AKAP6: variants seen among roughly 807,000 people sequenced by gnomAD.
AKAP6 encodes the protein A-kinase anchoring protein 6, also known as A-kinase anchor protein 6.
In AKAP6, 58 loss-of-function variants were observed where a neutral mutation model predicts 188.5. The observed-to-expected ratio is 0.31, with a 90% CI of 0.25 to 0.38. The LOEUF (loss-of-function observed/expected upper bound fraction) is 0.38. Among genes scored for constraint, AKAP6 ranks in the 10% least tolerant of loss-of-function variants. The probability of loss-of-function intolerance (pLI) is 1.00; values close to 1 mark genes in which losing one functional copy is unlikely to be tolerated. For missense variants in AKAP6, 2,710 were observed against 2,740.0 expected (o/e 0.99, Z 0.24); for synonymous variants, 989 against 998.6 (o/e 0.99, Z 0.18).
At chr14:32,611,588 A>G (rs956614823) in intron 7 of AKAP6, among the ~76,000 whole-genome samples, 2 of 152,190 alleles carry the variant, frequency 1.3e-5, no homozygotes, top group Non-Finnish European at 2.9e-5. Flanking sequence ...TAGATGTGCA[A>G]TAGAACTTTA....
At chr14:32,454,244 T>A (rs1891044089) in intron 2 of AKAP6, among the ~76,000 whole-genome samples, 1 of 152,218 alleles carries the variant, frequency 6.6e-6, no homozygotes, top group Non-Finnish European at 1.5e-5. Context: ...ATATATCTGA[T>A]AGAAGCTAGC....
chr14:32,794,928 A>G (rs913201794), intron 12 of AKAP6, among the ~76,000 whole-genome samples: 2 of 152,114 alleles, frequency 1.3e-5, no homozygotes, highest in Non-Finnish European at 2.9e-5. Context: ...ACAATCAAAT[A>G]CACACAATCA....
chr14:32,540,192 A>ATATATATTTT lies in AKAP6; in HGVS notation c.576+4388_576+4389insATATATTTTT, dbSNP rs1406480125. ...TCTATATATATATATATATATATAT[A>ATATATATTTT]TTTTAATTTTTTATTTTTTTTTTTG... On this transcript the variant is annotated intron_variant, in intron 3 of 13. Transcript: ENST00000280979. Among the ~76,000 whole-genome samples the ATATATATTTT allele has an allele frequency of 1.2e-3, 150 of 123,386 alleles. 3 individuals carry two copies. The highest frequency in any genetic ancestry group is 1.9e-3 in the Non-Finnish European group (110 of 59,004). The allele number at this position is 123,386 out of a possible 152,430, so 80.9% of individuals were successfully genotyped here.
chr14:32,504,520 T>C (rs1367488886), intron 2 of AKAP6, among the ~76,000 whole-genome samples: 1 of 152,116 alleles, frequency 6.6e-6, no homozygotes, highest in East Asian at 1.9e-4. Flanking sequence ...GCTCAAGTAA[T>C]CTCCCCACCT....
chr14:32,752,600 C>G (rs566599628), intron 11 of AKAP6, among the ~76,000 whole-genome samples: 3 of 152,078 alleles, frequency 2.0e-5, no homozygotes, highest in East Asian at 3.9e-4. Context: ...ATTAGCATAT[C>G]CATCACCTCA....
intron 7 of AKAP6, among the ~76,000 whole-genome samples, chr14:32,631,804 A>C (rs1043248488): frequency 6.6e-6 from 1 of 152,090 alleles, no homozygotes; most frequent in Non-Finnish European, 1.5e-5. Flanking sequence ...AGGTCTTAAG[A>C]AAGCAAATAT....
chr14:32,595,872 A>T, intron 5 of AKAP6, among the ~76,000 whole-genome samples: 1 of 152,168 alleles, frequency 6.6e-6, no homozygotes, highest in Admixed American at 6.5e-5. Flanking sequence ...TCCTTTACAC[A>T]ATAGAATATA....
chr14:32,527,992 G>A (rs1387497820), intron 2 of AKAP6, among the ~76,000 whole-genome samples: 1 of 151,966 alleles, frequency 6.6e-6, no homozygotes, highest in Non-Finnish European at 1.5e-5. Context: ...TTGTGCCTTT[G>A]GTGTTGTATC....
chr14:32,592,748 T>G (rs1885538356), intron 5 of AKAP6, among the ~76,000 whole-genome samples: 1 of 152,166 alleles, frequency 6.6e-6, no homozygotes, highest in South Asian at 2.1e-4. Flanking sequence ...GGCTCCATTC[T>G]GCATGTATCA....
intron 7 of AKAP6, among the ~76,000 whole-genome samples, chr14:32,615,836 C>T (rs1281090681): frequency 3.9e-5 from 6 of 152,030 alleles, no homozygotes; most frequent in Non-Finnish European, 7.4e-5. Flanking sequence ...CCTCATGATC[C>T]GCCCACCTCG....
intron 12 of AKAP6, among the ~76,000 whole-genome samples, chr14:32,808,365 T>A (rs2034141907): frequency 1.3e-5 from 2 of 152,212 alleles, no homozygotes; most frequent in Non-Finnish European, 2.9e-5. Context: ...CCGTATTGCC[T>A]ACTCCACCTC....
chr14:32,735,634 T>C, intron 10 of AKAP6, 24 bp from the exon 11 acceptor site: 4 of 1,500,894 alleles, frequency 2.7e-6, no homozygotes, highest in Non-Finnish European at 3.6e-6. Flanking sequence ...GTTTTATTTT[T>C]TGTTTTTTAA....
intron 5 of AKAP6, among the ~76,000 whole-genome samples, chr14:32,586,382 G>T (rs1381742568): frequency 6.6e-6 from 1 of 152,152 alleles, no homozygotes; most frequent in African/African-American, 2.4e-5. Flanking sequence ...AATCCTAGCA[G>T]TTCGGGAGGT....
At chr14:32,795,187 C>T (rs1860827436) in intron 12 of AKAP6, among the ~76,000 whole-genome samples, 1 of 152,136 alleles carries the variant, frequency 6.6e-6, no homozygotes, top group Non-Finnish European at 1.5e-5. Context: ...GGATTCACAG[C>T]TGAATTCTAC....
intron 7 of AKAP6, among the ~76,000 whole-genome samples, chr14:32,629,018 G>C (rs1290710857): frequency 6.6e-6 from 1 of 152,090 alleles, no homozygotes; most frequent in Non-Finnish European, 1.5e-5. Flanking sequence ...GGAGGGATGT[G>C]CCGTTTGAGG....
At chr14:32,432,226 T>C (rs965388656) in intron 1 of AKAP6, among the ~76,000 whole-genome samples, 1 of 151,910 alleles carries the variant, frequency 6.6e-6, no homozygotes, top group Non-Finnish European at 1.5e-5. Flanking sequence ...AAAAGAAAAA[T>C]AAATTCATTG....
intron 1 of AKAP6, among the ~76,000 whole-genome samples, chr14:32,369,558 G>A (rs1037374452): frequency 6.6e-6 from 1 of 152,204 alleles, no homozygotes; most frequent in Non-Finnish European, 1.5e-5. Context: ...TTGATCCTGG[G>A]TCACTGTTTT....
Position 32,819,111 on chromosome 14 carries a change from G to A in AKAP6, c.3589-2291G>A, listed in dbSNP as rs149481611. ...AAATTCATCACAGTGAATGTACTCC[G>A]TACCTAAGCCACTGTGATGATTGCT... On this transcript the variant is annotated intron_variant, in intron 12 of 13. Transcript: ENST00000280979. Among the ~76,000 whole-genome samples, 1,192 of 152,160 alleles carry A rather than the reference G, an allele frequency of 7.8e-3. 7 individuals are homozygous for A. Among genetic ancestry groups the A allele is most frequent in the Non-Finnish European group, 0.013 (916 of 67,996 alleles).
intron 2 of AKAP6, among the ~76,000 whole-genome samples, chr14:32,530,638 C>CAATT (rs1882370312): frequency 6.6e-6 from 1 of 152,054 alleles, no homozygotes; most frequent in African/African-American, 2.4e-5. Context: ...CTCCCAGGGA[C>CAATT]AATTAGCAGG....
Sources: gnomAD v4.1 joint callset for allele counts (sites outside exome capture counted in the v4.1 genomes callset) on GRCh38, gnomAD v4.1.1 for gene constraint, MANE v1.5 for transcripts, NCBI Gene and HGNC (gene_info 2026-07-23, HGNC 2026-07-21) for gene names.